The following FBL variants were observed in gnomAD, a reference collection of about 807,000 sequenced individuals.
The protein encoded by FBL is fibrillarin rRNA 2'-O-methyltransferase.
A neutral mutation model predicts 42.2 loss-of-function variants in FBL; 10 were observed. The observed-to-expected ratio is 0.24, with a 90% confidence interval of 0.15 to 0.40. The LOEUF is 0.40. FBL is among the 10% of genes least tolerant of loss of function. The probability of loss-of-function intolerance (pLI) is 1.00; values close to 1 mark genes in which losing one functional copy is unlikely to be tolerated. For synonymous variants in FBL, 165 were observed against 165.4 expected, an observed-to-expected ratio of 1.00 and a Z score of 0.02; for missense variants, 351 against 439.2, an observed-to-expected ratio of 0.80 and a Z score of 1.79.
chr19:39,837,429 G>T (rs1010696944), intron 6 of FBL, among the ~76,000 whole-genome samples: 2 of 152,126 alleles, frequency 1.3e-5, no homozygotes, highest in Non-Finnish European at 2.9e-5. Flanking sequence ...TTATGGAGGG[G>T]TAGTGTAATA....
intron 7 of FBL, among the ~76,000 whole-genome samples, chr19:39,836,309 A>G (rs890923668): frequency 6.6e-6 from 1 of 152,264 alleles, no homozygotes; most frequent in African/African-American, 2.4e-5. Context: ...TTTCTATTTC[A>G]TAAGTGAGGA....
chr19:39,846,071 G>A lies in FBL; in HGVS notation c.10+220C>T, dbSNP rs1969256565. Among the ~76,000 whole-genome samples the A allele has an allele frequency of 6.6e-6, 1 of 152,140 alleles. No homozygotes were observed. Among genetic ancestry groups the A allele is most frequent in the Non-Finnish European group, 1.5e-5 (1 of 68,012 alleles). ...CGAACCCCACGTCAACACCCCCAAT[G>A]CCAGGCCCACGGCCTTCTTCGACTC... is the stretch of plus-strand genomic sequence containing the variant. On this transcript the variant is annotated intron_variant, in intron 1 of 8. Coordinates refer to ENST00000221801, the MANE Select transcript of FBL (RefSeq NM_001436.4).
At chr19:39,837,950 A>C in intron 5 of FBL, 107 bp from the exon 6 acceptor site, 1 of 831,288 alleles carries the variant, frequency 1.2e-6, no homozygotes. Context: ...CCCCAAATCA[A>C]AACCCTACCA....
chr19:39,843,417 G>A (rs1055459366), intron 1 of FBL, among the ~76,000 whole-genome samples: 2 of 152,244 alleles, frequency 1.3e-5, no homozygotes, highest in Admixed American at 6.5e-5. Context: ...TGCCACTCTC[G>A]ACCCTAGTAA....
chr19:39,846,291 C>G lies in FBL; in HGVS notation c.10G>C (p.Gly4Arg). The G allele has an allele frequency of 6.2e-7, 1 of 1,613,964 alleles. No individual in the cohort carries two copies. The highest frequency in any genetic ancestry group is 8.5e-7 in the Non-Finnish European group (1 of 1,179,924). Residue 4 changes from glycine (G) to arginine (R), a missense_variant and splice_region_variant, in exon 1 of 9, where the codon GGA (glycine) becomes CGA (arginine). Gly to Arg is a moderately radical substitution (Grantham distance 125). Coordinates refer to ENST00000221801, the MANE Select transcript of FBL (RefSeq NM_001436.4). MKP[G>R]FSPRGGGFGG... is the part of the protein sequence containing the mutation. ...CCCCGGACCCTCACCCCAGCCTGAC[C>G]TGGCTTCATGGCGAGCCCTGGTTTG...
chr19:39,844,429 A>G (rs1969220258), intron 1 of FBL, among the ~76,000 whole-genome samples: 1 of 152,150 alleles, frequency 6.6e-6, no homozygotes, highest in African/African-American at 2.4e-5. Context: ...GTCCTCAGAA[A>G]AAACACATGT....
At chr19:39,841,809 C>A (rs1054710783) in intron 1 of FBL, among the ~76,000 whole-genome samples, 1 of 152,224 alleles carries the variant, frequency 6.6e-6, no homozygotes, top group African/African-American at 2.4e-5. Flanking sequence ...ATAGGCTGCA[C>A]TTTACAAGTA....
rs772438792 is a variant in FBL at position 39,836,477 on chromosome 19, G to GC, written c.795+78dup. The GC allele has an allele frequency of 1.4e-4, 124 of 889,136 alleles. 1 individual carries two copies. The highest frequency in any genetic ancestry group is 2.0e-4 in the Non-Finnish European group (117 of 573,486). The allele number at this position is 889,136 out of a possible 1,614,324, so 55.1% of individuals were successfully genotyped here. The stretch of plus-strand genomic sequence containing the variant: ...AGACTTGGCCCCTCTGTTTTGGGTG[G>GC]CTATTTGACAGATACAGATAGAGAA... On this transcript the variant is annotated intron_variant, in intron 7 of 8. Coordinates refer to ENST00000221801, the MANE Select transcript of FBL (RefSeq NM_001436.4).
At chr19:39,845,725 C>T (rs1248568023) in intron 1 of FBL, among the ~76,000 whole-genome samples, 1 of 152,220 alleles carries the variant, frequency 6.6e-6, no homozygotes, top group East Asian at 1.9e-4. Context: ...ACTGTAAGTG[C>T]AGAAGGCGGG....
chr19:39,839,213 A>G lies in FBL; in HGVS notation c.379-8T>C, dbSNP rs367638014. On this transcript the variant is annotated splice_polypyrimidine_tract_variant and splice_region_variant and intron_variant, in intron 4 of 8. Coordinates refer to ENST00000221801, the MANE Select transcript of FBL (RefSeq NM_001436.4). ...AATTTTGTCATCTCCTTCCTAGATG[A>G]GAGATGGGGACAGAAGTCAGTGCTA... 2.1e-5 allele frequency: 34 copies of G among 1,605,676 alleles called. No homozygotes were observed. The highest frequency in any genetic ancestry group is 2.9e-5 in the Non-Finnish European group (34 of 1,175,256).
intron 1 of FBL, among the ~76,000 whole-genome samples, chr19:39,842,802 G>T (rs886932588): frequency 6.6e-6 from 1 of 152,128 alleles, no homozygotes; most frequent in Non-Finnish European, 1.5e-5. Flanking sequence ...AAGCTCTCCA[G>T]GTGACTCCAA....
At chr19:39,841,085 T>A (rs993283250) in intron 1 of FBL, among the ~76,000 whole-genome samples, 2 of 152,182 alleles carry the variant, frequency 1.3e-5, no homozygotes, top group African/African-American at 4.8e-5. Flanking sequence ...TAGTGCTTTT[T>A]TTTTGAGACA....
At chr19:39,839,581 A>G (rs1483302885) in intron 4 of FBL, among the ~76,000 whole-genome samples, 3 of 152,096 alleles carry the variant, frequency 2.0e-5, no homozygotes, top group Non-Finnish European at 4.4e-5. Context: ...AGATGGTGAC[A>G]GGTGTTAAGG....
At chr19:39,844,456 A>G (rs1969220786) in intron 1 of FBL, among the ~76,000 whole-genome samples, 1 of 149,146 alleles carries the variant, frequency 6.7e-6, no homozygotes, top group Non-Finnish European at 1.5e-5. Context: ...AAACTTTTCC[A>G]GTAAGTTCTT....
At chr19:39,836,143 A>C (rs1246730926) in intron 7 of FBL, among the ~76,000 whole-genome samples, 3 of 151,966 alleles carry the variant, frequency 2.0e-5, no homozygotes, top group Non-Finnish European at 4.4e-5. Context: ...TGAAGGGTGC[A>C]TGGGAGAGTT....
In FBL at chr19:39,840,759, G is replaced by T. The variant is rs199718221; in HGVS notation, c.39C>A (p.Gly13=). 1 of 1,568,560 alleles carries T rather than the reference G, an allele frequency of 6.4e-7. No individual in the cohort carries two copies. Among genetic ancestry groups the T allele is most frequent in the Non-Finnish European group, 8.6e-7 (1 of 1,156,728 alleles). ...CACGGTCACCAAAGCCCCCTCGGCC[G>T]CCAAAGCCACCCCCACGGGGACTGA... is the stretch of plus-strand genomic sequence containing the variant. ...PGFSPRGGGF[G]GRGGFGDRGG... The change falls in exon 2 of 9, where the codon GGC becomes GGA. Residue 13 remains glycine (G), a synonymous_variant. Coordinates refer to ENST00000221801, the MANE Select transcript of FBL (RefSeq NM_001436.4). The surrounding 1 kb of genome is among the most constrained non-coding windows in gnomAD (Gnocchi z 4.5).
In FBL at chr19:39,834,832, T is replaced by TA; in HGVS notation, c.796-20dup. 23 of 1,614,028 alleles carry TA rather than the reference T, an allele frequency of 1.4e-5. No individual in the cohort carries two copies. Among genetic ancestry groups the TA allele is most frequent in the Non-Finnish European group, 1.9e-5 (23 of 1,179,830 alleles). ...AGTTGGCCTAAAGAGGAGAAAGGAC[T>TA]AATGTCTACAACAGGGCTTTGGGCT... On this transcript the variant is annotated intron_variant, in intron 7 of 8. Transcript: ENST00000221801.
chr19:39,836,246 A>G (rs1476587791), intron 7 of FBL, among the ~76,000 whole-genome samples: 1 of 151,808 alleles, frequency 6.6e-6, no homozygotes, highest in Non-Finnish European at 1.5e-5. Context: ...AACACTTCAT[A>G]TTATATTGAC....
rs1969141619 is a variant in FBL at position 39,840,542 on chromosome 19, G to T, written c.182-27C>A. 4 of 1,613,432 alleles carry T rather than the reference G, an allele frequency of 2.5e-6. No homozygotes were observed. In the African/African-American group the frequency reaches 5.3e-5, roughly 22 times the overall value. On this transcript the variant is annotated intron_variant, in intron 2 of 8. Coordinates refer to ENST00000221801, the MANE Select transcript of FBL (RefSeq NM_001436.4). This position sits in a 1 kb window ranked among gnomAD's most constrained non-coding sequence, Gnocchi z 4.5. ...TATAAAGGAGAGGTACAACAGGAGA[G>T]AAAGATCCTGAATCTCCGCCCTCCC... is the stretch of plus-strand genomic sequence containing the variant.
Sources: gnomAD v4.1 joint callset for allele counts (sites outside exome capture counted in the v4.1 genomes callset) on GRCh38, gnomAD v4.1.1 for gene constraint, Gnocchi (gnomAD v3.1) non-coding constraint, MANE v1.5 for transcripts, NCBI Gene and HGNC (gene_info 2026-07-23, HGNC 2026-07-21) for gene names.